The following MC2R variants were observed in gnomAD, a reference collection of about 807,000 sequenced individuals.
MC2R encodes the protein adrenocorticotropic hormone receptor.
In MC2R, 9 loss-of-function variants were observed where a neutral mutation model predicts 9.8. The observed-to-expected ratio is 0.92, with a 90% confidence interval of 0.55 to 1.60. The LOEUF is 1.60. Among genes scored for constraint, MC2R ranks in the 40% most tolerant of loss-of-function variants. The pLI is 0.00. For synonymous variants in MC2R, 185 were observed against 154.7 expected, an observed-to-expected ratio of 1.20 and a Z score of -1.45; for missense variants, 370 against 389.0, an observed-to-expected ratio of 0.95 and a Z score of 0.41.
chr18:13,911,764 G>A (rs1165029066), intron 1 of MC2R, among the ~76,000 whole-genome samples: 4 of 152,152 alleles, frequency 2.6e-5, no homozygotes, highest in Non-Finnish European at 5.9e-5. Context: ...GCAGGAGGAA[G>A]AAAGATTTAA....
chr18:13,914,099 G>T (rs1461469560), intron 1 of MC2R, among the ~76,000 whole-genome samples: 1 of 151,428 alleles, frequency 6.6e-6, no homozygotes, highest in Non-Finnish European at 1.5e-5. Flanking sequence ...TTGCTCTGAG[G>T]CAGTGAGAGG....
At chr18:13,891,683 C>T (rs995929594) in intron 1 of MC2R, among the ~76,000 whole-genome samples, 1 of 152,184 alleles carries the variant, frequency 6.6e-6, no homozygotes, top group African/African-American at 2.4e-5. Context: ...TGTGAGCCCT[C>T]CTTTTGGTGG....
chr18:13,911,447 A>G (rs1370670523), intron 1 of MC2R, among the ~76,000 whole-genome samples: 1 of 152,268 alleles, frequency 6.6e-6, no homozygotes, highest in Non-Finnish European at 1.5e-5. Flanking sequence ...AACAAATGCC[A>G]TGAAATAAAA....
Position 13,912,699 on chromosome 18 carries a change from C to T in MC2R, c.-129+2789G>A, listed in dbSNP as rs189378554. The stretch of plus-strand genomic sequence containing the variant: ...CTCCCGGACCATCCCAACTGCTTTG[C>T]TAGGGCCCAGTCACTGTCTCCAGCT... On this transcript the variant is annotated intron_variant, in intron 1 of 1. Coordinates refer to ENST00000327606, the MANE Select transcript of MC2R (RefSeq NM_000529.2). 1.3e-4 allele frequency among the ~76,000 whole-genome samples: 20 copies of T among 152,290 alleles called. No individual in the cohort carries two copies. In the East Asian group the frequency reaches 3.7e-3, roughly 28 times the overall value.
rs371619778 is a variant in MC2R, at chr18:13,897,652, G to A, written c.-128-12006C>T. Among the ~76,000 whole-genome samples, 185 of 152,134 alleles carry A rather than the reference G, an allele frequency of 1.2e-3. No individual in the cohort carries two copies. In the South Asian group the frequency reaches 0.014, roughly 12 times the overall value. On this transcript the variant is annotated intron_variant, in intron 1 of 1. Transcript: ENST00000327606. ...AGGAGAAGAGAAGGAAGAGTAGGGA[G>A]GACTTTGTCTTGCATCTTGGATATC...
Position 13,883,625 on chromosome 18 carries a change from ACACTCTCTCTCTCTCTCT to A in MC2R, c.*982_*999del, listed in dbSNP as rs2045250852. ...CACACACACACACACACACACACAC[ACACTCTCTCTCTCTCTCT>A]CTCTCTCTCTCTCTGTCTGTCTCTG... On this transcript the variant is annotated 3_prime_UTR_variant, in exon 2 of 2. Transcript: ENST00000327606. The A allele has an allele frequency of 2.4e-5, 1 of 42,414 alleles. No homozygotes were observed. The highest frequency in any genetic ancestry group is 5.7e-5 in the Non-Finnish European group (1 of 17,682). The allele number at this position is 42,414 out of a possible 1,614,324, so 2.6% of individuals were successfully genotyped here. A position where few individuals can be genotyped will look rare whatever the true frequency, so the allele number is the denominator to read the frequency against.
intron 1 of MC2R, among the ~76,000 whole-genome samples, chr18:13,897,351 A>G (rs140066029): frequency 4.3e-4 from 65 of 152,302 alleles, no homozygotes; most frequent in Non-Finnish European, 8.2e-4. Context: ...GCTGACCCCA[A>G]TGGTCGGAAC....
intron 1 of MC2R, among the ~76,000 whole-genome samples, chr18:13,914,325 G>A (rs1158027893): frequency 6.6e-6 from 1 of 152,216 alleles, no homozygotes; most frequent in Non-Finnish European, 1.5e-5. Flanking sequence ...GAGCTAGTGT[G>A]AAGTGTTGTC....
intron 1 of MC2R, among the ~76,000 whole-genome samples, chr18:13,913,935 T>C (rs189930695): frequency 3.9e-4 from 60 of 152,288 alleles, no homozygotes; most frequent in Non-Finnish European, 7.6e-4. Context: ...CCACAGCAAT[T>C]ATATTTGCCT....
At position 13,883,966 on chromosome 18, in the gene MC2R, G is replaced by C. The variant is rs1272240599; in HGVS notation, c.*659C>G. 6.5e-6 allele frequency: 1 copy of C among 154,920 alleles called. No individual in the cohort carries two copies. The highest frequency in any genetic ancestry group is 1.4e-5 in the Non-Finnish European group (1 of 69,708). 9.6% of individuals were successfully genotyped at this position (154,920 alleles called of 1,614,324 possible). A position where few individuals can be genotyped will look rare whatever the true frequency, so the allele number is the denominator to read the frequency against. ...ATTGGAAACTCGAAGCTCGTTATTT[G>C]ACATTTATAGTTTATACTCAGCCTA... is the stretch of plus-strand genomic sequence containing the variant. On this transcript the variant is annotated 3_prime_UTR_variant, in exon 2 of 2. Transcript: ENST00000327606.
At chr18:13,902,199 T>A (rs557047741) in intron 1 of MC2R, among the ~76,000 whole-genome samples, 3 of 152,114 alleles carry the variant, frequency 2.0e-5, no homozygotes, top group African/African-American at 2.4e-5. Flanking sequence ...AAATCCAACA[T>A]CTCTTTATAA....
intron 1 of MC2R, among the ~76,000 whole-genome samples, chr18:13,898,279 G>T (rs1227292929): frequency 2.6e-5 from 4 of 152,132 alleles, no homozygotes; most frequent in South Asian, 4.1e-4. Context: ...ACAGGGTAAG[G>T]CTCCTCTGCC....
intron 1 of MC2R, among the ~76,000 whole-genome samples, chr18:13,892,902 C>T (rs1156458958): frequency 1.3e-5 from 2 of 152,166 alleles, no homozygotes; most frequent in Non-Finnish European, 2.9e-5. Context: ...TCATGGCTCA[C>T]TGCAGCCTCA....
At chr18:13,891,832 G>A (rs2149137328) in intron 1 of MC2R, among the ~76,000 whole-genome samples, 1 of 152,308 alleles carries the variant, frequency 6.6e-6, no homozygotes, top group East Asian at 1.9e-4. Flanking sequence ...TTGACAGAGG[G>A]AGGGAGTGGC....
chr18:13,895,829 G>A (rs1258720169), intron 1 of MC2R, among the ~76,000 whole-genome samples: 1 of 152,100 alleles, frequency 6.6e-6, no homozygotes, highest in Non-Finnish European at 1.5e-5. Context: ...AGAAGGTGGA[G>A]GAGCCATCCG....
intron 1 of MC2R, among the ~76,000 whole-genome samples, chr18:13,901,429 C>T (rs1445925995): frequency 2.0e-5 from 3 of 150,590 alleles, no homozygotes; most frequent in African/African-American, 7.3e-5. Context: ...ATGAAGAAAA[C>T]AATACAAAGG....
intron 1 of MC2R, among the ~76,000 whole-genome samples, chr18:13,902,806 A>C (rs1317171465): frequency 1.3e-5 from 2 of 152,228 alleles, no homozygotes; most frequent in African/African-American, 4.8e-5. Context: ...GTAATACCCG[A>C]CAAGCACAGG....
At chr18:13,911,831 C>G (rs548678621) in intron 1 of MC2R, among the ~76,000 whole-genome samples, 7 of 152,146 alleles carry the variant, frequency 4.6e-5, no homozygotes, top group Non-Finnish European at 7.3e-5. Context: ...GTTTTTAGCA[C>G]CTCTAGGATC....
At chr18:13,906,518 T>C (rs2045415470) in intron 1 of MC2R, among the ~76,000 whole-genome samples, 1 of 151,998 alleles carries the variant, frequency 6.6e-6, no homozygotes, top group South Asian at 2.1e-4. Flanking sequence ...GTAACAAACC[T>C]GCACGTTCTG....
Sources: allele counts gnomAD v4.1 joint callset (sites outside exome capture counted in the v4.1 genomes callset), GRCh38; gene constraint gnomAD v4.1.1; transcripts MANE v1.5; gene names NCBI Gene and HGNC (gene_info 2026-07-23, HGNC 2026-07-21).